The following SEMA3A variants were observed in gnomAD, a reference collection of about 807,000 sequenced individuals.
SEMA3A encodes the protein semaphorin 3A, also known as semaphorin-3A.
SEMA3A carries 29 observed loss-of-function variants against 97.9 expected under a neutral mutation model. The observed-to-expected ratio is 0.30, with a 90% confidence interval of 0.22 to 0.40. SEMA3A has a LOEUF of 0.40. Ranked by LOEUF, SEMA3A falls within the 10% of genes least tolerant of loss-of-function variation. The pLI is 1.00. For missense variants in SEMA3A, 763 were observed against 951.3 expected (o/e 0.80, Z 2.60); for synonymous variants, 321 against 323.7 (o/e 0.99, Z 0.09).
In SEMA3A at chr7:83,956,260, T is replaced by C. The variant is rs1286118227; in HGVS notation, c.*5111A>G. On this transcript the variant is annotated 3_prime_UTR_variant, in exon 17 of 17. Transcript: ENST00000265362. ...CACCTTGCTTTTTAGCAAGGCAATG[T>C]TGGAACTCATTGCTGAGTAGTCTAA... is the stretch of plus-strand genomic sequence containing the variant. The C allele has an allele frequency of 2.0e-5, 3 of 152,148 alleles. No individual in the cohort carries two copies. Among genetic ancestry groups the C allele is most frequent in the South Asian group, 2.1e-4 (1 of 4,832 alleles). The allele number at this position is 152,148 out of a possible 1,614,324, so 9.4% of individuals were successfully genotyped here.
At chr7:84,205,568 AT>A (rs1798471131) in intron 3 of SEMA3A, among the ~76,000 whole-genome samples, 1 of 152,184 alleles carries the variant, frequency 6.6e-6, no homozygotes, top group South Asian at 2.1e-4. Flanking sequence ...GTCCATATTT[AT>A]TTTTTCATAA....
intron 2 of SEMA3A, among the ~76,000 whole-genome samples, chr7:84,320,085 A>C (rs888273627): frequency 1.3e-5 from 2 of 152,070 alleles, no homozygotes; most frequent in Non-Finnish European, 2.9e-5. Flanking sequence ...ACACTGTCAC[A>C]CTTCTGTTTC....
intron 3 of SEMA3A, among the ~76,000 whole-genome samples, chr7:84,305,338 C>T (rs575600702): frequency 4.0e-5 from 6 of 151,682 alleles, no homozygotes; most frequent in Admixed American, 2.0e-4. Flanking sequence ...ATTTATGTAT[C>T]CTAGCTTATA....
chr7:84,405,978 A>C (rs902166275), intron 1 of SEMA3A, among the ~76,000 whole-genome samples: 3 of 152,188 alleles, frequency 2.0e-5, no homozygotes, highest in African/African-American at 4.8e-5. Flanking sequence ...CTAACAACAC[A>C]ATTAAAAGAA....
At chr7:84,019,430 A>G (rs1791237236) in intron 6 of SEMA3A, among the ~76,000 whole-genome samples, 1 of 151,880 alleles carries the variant, frequency 6.6e-6, no homozygotes, top group Non-Finnish European at 1.5e-5. Flanking sequence ...GAGAAAGGTG[A>G]GGAAAAGTAG....
intron 1 of SEMA3A, among the ~76,000 whole-genome samples, chr7:84,386,664 A>T (rs888835373): frequency 2.0e-5 from 3 of 152,210 alleles, no homozygotes. Context: ...ATAGTAAATA[A>T]CACTATCAAA....
chr7:84,133,849 G>A (rs1389377619), intron 2 of SEMA3A, among the ~76,000 whole-genome samples: 2 of 138,460 alleles, frequency 1.4e-5, no homozygotes, highest in African/African-American at 5.5e-5. Context: ...AGGAGATCGA[G>A]ACCATCCTGG....
chr7:84,475,900 T>C (rs1240250340), intron 1 of SEMA3A, among the ~76,000 whole-genome samples: 3 of 152,196 alleles, frequency 2.0e-5, no homozygotes, highest in African/African-American at 7.2e-5. Context: ...GTAGACTTAA[T>C]CTTTAGTTTT....
intron 1 of SEMA3A, among the ~76,000 whole-genome samples, chr7:84,442,029 T>C (rs1805285765): frequency 6.6e-6 from 1 of 152,096 alleles, no homozygotes; most frequent in Non-Finnish European, 1.5e-5. Context: ...GAAAGAACAC[T>C]AGATAGTAAC....
At chr7:84,208,894 C>T (rs1798560589) in intron 3 of SEMA3A, among the ~76,000 whole-genome samples, 1 of 152,180 alleles carries the variant, frequency 6.6e-6, no homozygotes, top group Non-Finnish European at 1.5e-5. Flanking sequence ...TAAACACTAT[C>T]ACCTGAGTCT....
chr7:84,209,958 G>T (rs754929129), intron 3 of SEMA3A, among the ~76,000 whole-genome samples: 9 of 152,106 alleles, frequency 5.9e-5, no homozygotes, highest in Non-Finnish European at 8.8e-5. Flanking sequence ...ATTATTTTGG[G>T]AAGAAAGTTT....
At chr7:84,078,387 A>T (rs1296134095) in intron 4 of SEMA3A, among the ~76,000 whole-genome samples, 1 of 152,082 alleles carries the variant, frequency 6.6e-6, no homozygotes, top group Non-Finnish European at 1.5e-5. Context: ...AAAAGCTATT[A>T]CTATGTTTCT....
intron 3 of SEMA3A, among the ~76,000 whole-genome samples, chr7:84,124,085 A>G (rs765745376): frequency 5.9e-5 from 9 of 152,144 alleles, no homozygotes; most frequent in Admixed American, 1.3e-4. Context: ...ATCCAGTGGC[A>G]TGTCCTGGTT....
intron 1 of SEMA3A, among the ~76,000 whole-genome samples, chr7:84,382,277 T>A (rs1026224353): frequency 1.3e-5 from 2 of 151,718 alleles, no homozygotes; most frequent in Non-Finnish European, 2.9e-5. Flanking sequence ...CCAACTAATT[T>A]TTGTATTTTA....
intron 16 of SEMA3A, among the ~76,000 whole-genome samples, chr7:83,962,577 T>G (rs1486300672): frequency 6.6e-6 from 1 of 152,220 alleles, no homozygotes. Context: ...AACTCAATAA[T>G]CTGTTTATGC....
At chr7:84,434,562 G>T (rs1221591912) in intron 1 of SEMA3A, among the ~76,000 whole-genome samples, 4 of 151,960 alleles carry the variant, frequency 2.6e-5, no homozygotes, top group Admixed American at 2.6e-4. Context: ...ACAACAAAAA[G>T]AAAACTACAG....
At chr7:84,328,401 G>T (rs532610989) in intron 2 of SEMA3A, among the ~76,000 whole-genome samples, 1 of 152,032 alleles carries the variant, frequency 6.6e-6, no homozygotes, top group South Asian at 2.1e-4. Flanking sequence ...TTGAAAGAAA[G>T]AAACAGTCAA....
chr7:84,471,445 A>C (rs140809649), intron 1 of SEMA3A, among the ~76,000 whole-genome samples: 73 of 152,260 alleles, frequency 4.8e-4, no homozygotes, highest in African/African-American at 1.6e-3. Flanking sequence ...AAGATTTTTA[A>C]TGAAATGTTG....
At chr7:84,236,692 G>A (rs966930858) in intron 3 of SEMA3A, among the ~76,000 whole-genome samples, 3 of 152,016 alleles carry the variant, frequency 2.0e-5, no homozygotes, top group Non-Finnish European at 1.5e-5. Context: ...AAATTCACTT[G>A]GAATACAGGT....
Sources: allele counts gnomAD v4.1 joint callset (sites outside exome capture counted in the v4.1 genomes callset), GRCh38; gene constraint gnomAD v4.1.1; transcripts MANE v1.5; gene names NCBI Gene and HGNC (gene_info 2026-07-23, HGNC 2026-07-21).